The following TSC22D2 variants were observed in gnomAD, a reference collection of about 807,000 sequenced individuals.
The protein encoded by TSC22D2 is TSC22 domain family member 2, also known as TSC22 domain family protein 2.
In TSC22D2, 5 loss-of-function variants were observed where a neutral mutation model predicts 50.1. The observed-to-expected ratio is 0.10, with a 90% CI of 0.05 to 0.21. The LOEUF is 0.21. TSC22D2 is among the 10% of genes least tolerant of loss of function. TSC22D2 has a pLI of 1.00. For missense variants in TSC22D2, 1,003 were observed against 1,015.5 expected (o/e 0.99, Z 0.17); for synonymous variants, 501 against 450.1 (o/e 1.11, Z -1.43).
Position 150,435,102 on chromosome 3 carries a change from C to T in TSC22D2, c.1959-21974C>T, listed in dbSNP as rs527285779. On this transcript the variant is annotated intron_variant, in intron 1 of 2. Coordinates refer to ENST00000688009, the MANE Select transcript of TSC22D2 (RefSeq NM_001303264.2). ...AAGCAATTCTCCTACCTCAGCCTCCCGAGTAGCTGGGATTACGGGCGCCCA... is the reference window on the plus strand; with the variant it reads ...AAGCAATTCTCCTACCTCAGCCTCCTGAGTAGCTGGGATTACGGGCGCCCA... Among the ~76,000 whole-genome samples the T allele has an allele frequency of 2.0e-3, 303 of 152,142 alleles. 1 individual carries two copies. In the Middle Eastern group the frequency reaches 0.031, roughly 15 times the overall value.
intron 1 of TSC22D2, among the ~76,000 whole-genome samples, chr3:150,445,447 C>CA (rs1291453694): frequency 6.6e-6 from 1 of 151,152 alleles, no homozygotes; most frequent in African/African-American, 2.4e-5. Flanking sequence ...TAATTGAATA[C>CA]AAAAAATCAA....
intron 2 of TSC22D2, among the ~76,000 whole-genome samples, 199 bp downstream of exon 2, chr3:150,457,326 TC>T (rs1230077369): frequency 1.3e-5 from 2 of 152,210 alleles, no homozygotes; most frequent in African/African-American, 4.8e-5. Context: ...AGATATTTCT[TC>T]CATTTGAATA....
Position 150,458,845 on chromosome 3 carries a change from A to G in TSC22D2, c.*209A>G, listed in dbSNP as rs999311852. ...ATGTCCAGTTCTATGTCATCAGTAC[A>G]CAAGGAGAATAATAGATGGGGTTTA... On this transcript the variant is annotated 3_prime_UTR_variant, in exon 3 of 3. Coordinates refer to ENST00000688009, the MANE Select transcript of TSC22D2 (RefSeq NM_001303264.2). The G allele has an allele frequency of 1.6e-4, 95 of 577,982 alleles. 2 individuals are homozygous for G. Among genetic ancestry groups the G allele is most frequent in the Non-Finnish European group, 3.0e-5 (10 of 337,790 alleles). 35.8% of individuals were successfully genotyped at this position (577,982 alleles called of 1,614,324 possible).
At chr3:150,431,573 T>G (rs979047939) in intron 1 of TSC22D2, among the ~76,000 whole-genome samples, 1 of 152,186 alleles carries the variant, frequency 6.6e-6, no homozygotes, top group Admixed American at 6.5e-5. Context: ...TATTTAAAAT[T>G]TAAATATTTA....
At chr3:150,425,993 G>T (rs1192563036) in intron 1 of TSC22D2, among the ~76,000 whole-genome samples, 4 of 152,006 alleles carry the variant, frequency 2.6e-5, no homozygotes. Context: ...CTCAGTTATT[G>T]TACTAAAATT....
In TSC22D2 at chr3:150,409,514, C is replaced by T. The variant is rs957465286; in HGVS notation, c.164C>T (p.Thr55Met). Residue 55 changes from threonine to methionine, a missense_variant, in exon 1 of 3, where the codon ACG becomes ATG. Thr to Met is a moderately conservative substitution (Grantham distance 81, BLOSUM62 -1). Transcript: ENST00000688009. The surrounding 1 kb of genome is among the most constrained non-coding windows in gnomAD (Gnocchi z 7.4). ...SSEIFDVSRA[T>M]DYGPEEVCER... ...GAGATTTTCGACGTCTCTCGGGCCA[C>T]GGATTATGGCCCTGAGGAGGTCTGC... is the stretch of plus-strand genomic sequence containing the variant. 3 of 1,612,942 alleles carry T rather than the reference C, an allele frequency of 1.9e-6. No individual in the cohort carries two copies. Among genetic ancestry groups the T allele is most frequent in the Non-Finnish European group, 2.5e-6 (3 of 1,179,462 alleles).
intron 1 of TSC22D2, among the ~76,000 whole-genome samples, chr3:150,450,545 CTTAG>C (rs969563441): frequency 7.2e-4 from 110 of 151,808 alleles, no homozygotes; most frequent in Middle Eastern, 3.4e-3. Flanking sequence ...ATTTTGAGTT[CTTAG>C]TTTAATTTAT....
At chr3:150,445,043 T>C (rs1720834632) in intron 1 of TSC22D2, among the ~76,000 whole-genome samples, 3 of 152,160 alleles carry the variant, frequency 2.0e-5, no homozygotes, top group African/African-American at 7.2e-5. Flanking sequence ...ATACTCTTTT[T>C]GGAAATTTTT....
Position 150,411,018 on chromosome 3 carries a change from T to C in TSC22D2, c.1668T>C (p.His556=), listed in dbSNP as rs1160345822. The C allele has an allele frequency of 4.3e-6, 7 of 1,614,216 alleles. No individual in the cohort carries two copies. The highest frequency in any genetic ancestry group is 2.2e-5 in the East Asian group (1 of 44,884). The change falls in exon 1 of 3, where the codon CAT becomes CAC. Residue 556 remains histidine, a synonymous_variant. Transcript: ENST00000688009. ...GCAGGAGCAGCAGCATAATCCAGCA[T>C]GTTGGGCTGCCCTTAGCGCCAGGCA... ...PVSRSSSIIQ[H]VGLPLAPGTH...
rs1337023195 is a variant in TSC22D2, at chr3:150,458,617, C to G, written c.2252C>G (p.Pro751Arg). The change falls in exon 3 of 3, where the codon CCG becomes CGG. Residue 751 changes from proline to arginine, a missense_variant. Physicochemically the swap from Pro to Arg is moderately radical, Grantham distance 103. This residue lies in a region of TSC22D2 where 54 missense variants were observed against 51.4 expected (regional missense o/e 1.05). Coordinates refer to ENST00000688009, the MANE Select transcript of TSC22D2 (RefSeq NM_001303264.2). ...PPQPTQPPQQ[P>R]NVSSA Reference sequence around the variant, plus strand: ...CAGCCAACGCAACCTCCACAGCAGCCGAATGTCTCCTCAGCATAAAGCTTT... The same window carrying G: ...CAGCCAACGCAACCTCCACAGCAGCGGAATGTCTCCTCAGCATAAAGCTTT... The G allele has an allele frequency of 1.9e-6, 3 of 1,613,990 alleles. No homozygotes were observed. Among genetic ancestry groups the G allele is most frequent in the Non-Finnish European group, 2.5e-6 (3 of 1,179,992 alleles).
At chr3:150,445,384 T>A (rs1169467179) in intron 1 of TSC22D2, among the ~76,000 whole-genome samples, 1 of 150,592 alleles carries the variant, frequency 6.6e-6, no homozygotes, top group East Asian at 1.9e-4. Flanking sequence ...AAATCTCAAG[T>A]CAAACAATTT....
intron 1 of TSC22D2, among the ~76,000 whole-genome samples, chr3:150,447,715 C>T (rs573415471): frequency 1.3e-5 from 2 of 152,186 alleles, no homozygotes; most frequent in African/African-American, 4.8e-5. Flanking sequence ...GTCTCTTTTC[C>T]TTATCATCTC....
chr3:150,409,786 C>A lies in TSC22D2; in HGVS notation c.436C>A (p.Pro146Thr). Residue 146 changes from proline to threonine, a missense_variant, in exon 1 of 3, where the codon CCA (proline) becomes ACA (threonine). Around this residue, in one of 6 missense-constraint regions of TSC22D2, gnomAD observed 200 missense variants for 182.8 expected, o/e 1.09. Coordinates refer to ENST00000688009, the MANE Select transcript of TSC22D2 (RefSeq NM_001303264.2). The surrounding 1 kb of genome is among the most constrained non-coding windows in gnomAD (Gnocchi z 7.4). ...GPQLAGSSAG[P>T]VTAAPSQPPT... is the part of the protein sequence containing the mutation. ...CCAGCTCGCGGGCTCATCCGCCGGG[C>A]CAGTGACTGCAGCCCCATCTCAGCC... 1.9e-6 allele frequency: 3 copies of A among 1,602,806 alleles called. No homozygotes were observed. The highest frequency in any genetic ancestry group is 2.5e-6 in the Non-Finnish European group (3 of 1,179,818).
chr3:150,414,190 A>G (rs1295305914), intron 1 of TSC22D2, among the ~76,000 whole-genome samples: 2 of 152,220 alleles, frequency 1.3e-5, no homozygotes, highest in African/African-American at 2.4e-5. Flanking sequence ...TAATTACCAT[A>G]AAGTTTATCT....
chr3:150,428,927 CT>C, intron 1 of TSC22D2, among the ~76,000 whole-genome samples: 1 of 152,140 alleles, frequency 6.6e-6, no homozygotes, highest in Non-Finnish European at 1.5e-5. Flanking sequence ...ACCAGGGATG[CT>C]GATTTTAAGT....
At chr3:150,445,132 A>G (rs1234786183) in intron 1 of TSC22D2, among the ~76,000 whole-genome samples, 1 of 151,894 alleles carries the variant, frequency 6.6e-6, no homozygotes, top group African/African-American at 2.4e-5. Context: ...TACTCTAAAT[A>G]ATGAAACATC....
chr3:150,441,243 T>C (rs954233222), intron 1 of TSC22D2, among the ~76,000 whole-genome samples: 2 of 152,074 alleles, frequency 1.3e-5, no homozygotes, highest in Non-Finnish European at 2.9e-5. Flanking sequence ...GGAATACATA[T>C]ATATTAATAG....
chr3:150,448,767 A>T (rs1274195016), intron 1 of TSC22D2, among the ~76,000 whole-genome samples: 1 of 151,974 alleles, frequency 6.6e-6, no homozygotes, highest in Non-Finnish European at 1.5e-5. Context: ...AGAAAAAAGT[A>T]ATTTTATCAG....
chr3:150,424,016 CAT>C (rs1720094119), intron 1 of TSC22D2, among the ~76,000 whole-genome samples: 1 of 152,130 alleles, frequency 6.6e-6, no homozygotes, highest in Non-Finnish European at 1.5e-5. Context: ...ATGTACATGT[CAT>C]ATTAAGACAT....
Sources: gnomAD v4.1 joint callset for allele counts (sites outside exome capture counted in the v4.1 genomes callset) on GRCh38, gnomAD v4.1.1 for gene constraint, gnomAD v4.1.1 regional missense constraint, Gnocchi (gnomAD v3.1) non-coding constraint, MANE v1.5 for transcripts, NCBI Gene and HGNC (gene_info 2026-07-23, HGNC 2026-07-21) for gene names.